Variants in PCDHGA9 observed in about 807,000 individuals in gnomAD.
The protein encoded by PCDHGA9 is protocadherin gamma-A9.
PCDHGA9 carries 37 observed loss-of-function variants against 62.5 expected under a neutral mutation model. The observed-to-expected ratio is 0.59, with a 90% CI of 0.46 to 0.78. PCDHGA9 has a LOEUF of 0.78. PCDHGA9 is among the 30% of genes least tolerant of loss of function. PCDHGA9 has a pLI of 0.00. For synonymous variants in PCDHGA9, 459 were observed against 484.6 expected (o/e 0.95, Z 0.69); for missense variants, 1,138 against 1,166.2 (o/e 0.98, Z 0.35).
At chr5:141,478,159 T>C (rs1456465606) in intron 1 of PCDHGA9, 2 of 1,614,064 alleles carry the variant, frequency 1.2e-6, no homozygotes, top group Admixed American at 1.7e-5. Flanking sequence ...CCTCTGGCTC[T>C]GCCCCCCGGG....
At position 141,431,303 on chromosome 5, in the gene PCDHGA9, G is replaced by T. The variant is rs777784010; in HGVS notation, c.2424+25927G>T. The T allele has an allele frequency of 1.2e-6, 2 of 1,614,060 alleles. No homozygotes were observed. Among genetic ancestry groups the T allele is most frequent in the Non-Finnish European group, 1.7e-6 (2 of 1,180,038 alleles). On this transcript the variant is annotated intron_variant, in intron 1 of 3. Coordinates refer to ENST00000573521, the MANE Select transcript of PCDHGA9 (RefSeq NM_018921.3). The surrounding 1 kb of genome is among the most constrained non-coding windows in gnomAD (Gnocchi z 4.8). ...CCCGAACACTCACTTCTCCCTCATC[G>T]TGCAAAATGGAGCCGACGGTAGTAA...
At chr5:141,502,575 A>G (rs1314648955) in intron 2 of PCDHGA9, among the ~76,000 whole-genome samples, 2 of 152,208 alleles carry the variant, frequency 1.3e-5, no homozygotes, top group Admixed American at 1.3e-4. Context: ...CATTATAAAA[A>G]TATATTTTTA....
chr5:141,507,754 C>T (rs1488474557), intron 3 of PCDHGA9, among the ~76,000 whole-genome samples: 7 of 152,242 alleles, frequency 4.6e-5, no homozygotes, highest in Admixed American at 2.0e-4. Flanking sequence ...GTCAAGGCCT[C>T]CCACCTTTGG....
At chr5:141,455,430 G>C (rs190218223) in intron 1 of PCDHGA9, among the ~76,000 whole-genome samples, 1 of 152,274 alleles carries the variant, frequency 6.6e-6, no homozygotes, top group Admixed American at 6.5e-5. Flanking sequence ...CTCCAAAAGA[G>C]GAGGTCCCCA....
chr5:141,467,506 G>A (rs1364362269), intron 1 of PCDHGA9, among the ~76,000 whole-genome samples: 1 of 152,094 alleles, frequency 6.6e-6, no homozygotes, highest in Non-Finnish European at 1.5e-5. Flanking sequence ...TGATCTAATT[G>A]GAGTTTATTC....
At chr5:141,472,323 C>T (rs980684595) in intron 1 of PCDHGA9, among the ~76,000 whole-genome samples, 4 of 151,498 alleles carry the variant, frequency 2.6e-5, no homozygotes, top group East Asian at 2.0e-4. Flanking sequence ...AGGCAGATCA[C>T]GAGGTTGGGA....
At chr5:141,449,531 G>A (rs1421489293) in intron 1 of PCDHGA9, among the ~76,000 whole-genome samples, 2 of 149,216 alleles carry the variant, frequency 1.3e-5, no homozygotes, top group Admixed American at 6.7e-5. Flanking sequence ...GGAGGTTGCA[G>A]TGAGCCGAGA....
intron 1 of PCDHGA9, among the ~76,000 whole-genome samples, chr5:141,482,689 C>T (rs145383957): frequency 7.1e-6 from 1 of 140,984 alleles, no homozygotes; most frequent in East Asian, 1.9e-4. Flanking sequence ...GCTTGTCAGA[C>T]AGTAAAGGGG....
chr5:141,511,560 T>C lies in PCDHGA9; in HGVS notation c.*387T>C. ...CCACCCCACTCCAACAGTTCCTCTT[T>C]CCCGAGTAAGGTGGTTGGGGTGTTG... On this transcript the variant is annotated 3_prime_UTR_variant, in exon 4 of 4. Coordinates refer to ENST00000573521, the MANE Select transcript of PCDHGA9 (RefSeq NM_018921.3). The C allele has an allele frequency of 3.3e-6, 1 of 298,990 alleles. No homozygotes were observed. The highest frequency in any genetic ancestry group is 3.7e-5 in the South Asian group (1 of 27,250). The allele number at this position is 298,990 out of a possible 1,614,324, so 18.5% of individuals were successfully genotyped here.
chr5:141,478,364 G>A (rs1382073187), intron 1 of PCDHGA9: 2 of 1,613,660 alleles, frequency 1.2e-6, no homozygotes, highest in African/African-American at 2.7e-5. Flanking sequence ...CGTGCGGGGA[G>A]GCCTGATGTC....
chr5:141,475,139 C>T (rs928313061), intron 1 of PCDHGA9, among the ~76,000 whole-genome samples: 2 of 151,928 alleles, frequency 1.3e-5, no homozygotes, highest in African/African-American at 4.8e-5. Flanking sequence ...TTTTTGAAAT[C>T]TTCTCCGTCT....
intron 1 of PCDHGA9, chr5:141,409,175 G>T: frequency 6.2e-7 from 1 of 1,614,008 alleles, no homozygotes; most frequent in Non-Finnish European, 8.5e-7. Flanking sequence ...GAAGGACGGA[G>T]GTGGTCTCTC....
In PCDHGA9 at chr5:141,487,954, T is replaced by C. The variant is rs2099669751; in HGVS notation, c.2425-6853T>C. On this transcript the variant is annotated intron_variant, in intron 1 of 3. Transcript: ENST00000573521. The surrounding 1 kb of genome is among the most constrained non-coding windows in gnomAD (Gnocchi z 5.0). ...GGGTACAGTGCACCAGGCAGTCACTTGGACAAAGGTGGCTGTTTTCTCTAC... is the reference window on the plus strand; with the variant it reads ...GGGTACAGTGCACCAGGCAGTCACTCGGACAAAGGTGGCTGTTTTCTCTAC... Among the ~76,000 whole-genome samples the C allele has an allele frequency of 6.6e-6, 1 of 152,182 alleles. No homozygotes were observed. The highest frequency in any genetic ancestry group is 1.5e-5 in the Non-Finnish European group (1 of 68,020).
chr5:141,423,241 G>A (rs1485226833), intron 1 of PCDHGA9: 19 of 1,613,954 alleles, frequency 1.2e-5, no homozygotes, highest in Non-Finnish European at 1.4e-5. Flanking sequence ...CATCCCCGAA[G>A]TCCTGGCGGA....
At chr5:141,503,802 G>A (rs2099831646) in intron 2 of PCDHGA9, among the ~76,000 whole-genome samples, 1 of 151,998 alleles carries the variant, frequency 6.6e-6, no homozygotes, top group South Asian at 2.1e-4. Context: ...CTTAGGGACG[G>A]GGAATCCCAG....
intron 1 of PCDHGA9, chr5:141,408,283 C>A: frequency 6.2e-7 from 1 of 1,612,756 alleles, no homozygotes; most frequent in Non-Finnish European, 8.5e-7. Context: ...TGTTCTACCC[C>A]ACCCTGAGTG....
At chr5:141,472,046 A>T (rs945911971) in intron 1 of PCDHGA9, among the ~76,000 whole-genome samples, 4 of 152,210 alleles carry the variant, frequency 2.6e-5, no homozygotes, top group Non-Finnish European at 4.4e-5. Context: ...AAAAGATTTT[A>T]AAAATGATTG....
In PCDHGA9 at chr5:141,432,927, G is replaced by A; in HGVS notation, c.2424+27551G>A. On this transcript the variant is annotated intron_variant, in intron 1 of 3. Coordinates refer to ENST00000573521, the MANE Select transcript of PCDHGA9 (RefSeq NM_018921.3). This position sits in a 1 kb window ranked among gnomAD's most constrained non-coding sequence, Gnocchi z 6.0. ...AGGCTGCGGCGCTGGCACAAGTCACGCCTGCTGCAGGCTTCAGGAGGCGGC... is the reference window on the plus strand; with the variant it reads ...AGGCTGCGGCGCTGGCACAAGTCACACCTGCTGCAGGCTTCAGGAGGCGGC... 6.2e-7 allele frequency: 1 copy of A among 1,614,162 alleles called. No individual in the cohort carries two copies. Among genetic ancestry groups the A allele is most frequent in the Non-Finnish European group, 8.5e-7 (1 of 1,180,032 alleles).
chr5:141,409,751 C>T, intron 1 of PCDHGA9: 1 of 1,613,000 alleles, frequency 6.2e-7, no homozygotes, highest in Non-Finnish European at 8.5e-7. Flanking sequence ...GGTGTTCGCG[C>T]AGCGCGCCTT....
Sources: allele counts gnomAD v4.1 joint callset (sites outside exome capture counted in the v4.1 genomes callset), GRCh38; gene constraint gnomAD v4.1.1; non-coding constraint Gnocchi (gnomAD v3.1); transcripts MANE v1.5; gene names NCBI Gene and HGNC (gene_info 2026-07-23, HGNC 2026-07-21).